SNTB1: variants seen among roughly 807,000 people sequenced by gnomAD.
SNTB1 encodes beta-1-syntrophin.
In SNTB1, 36 loss-of-function variants were observed where a neutral mutation model predicts 48.9. The observed-to-expected ratio is 0.74, with a 90% confidence interval of 0.56 to 0.97. The LOEUF (loss-of-function observed/expected upper bound fraction) is 0.97, where lower values mean the gene tolerates loss of function less well. Ranked by LOEUF, SNTB1 falls within the 50% of genes least tolerant of loss-of-function variation. The pLI is 0.00. For synonymous variants in SNTB1, 299 were observed against 294.6 expected (o/e 1.01, Z -0.15); for missense variants, 786 against 703.4 (o/e 1.12, Z -1.33).
intron 1 of SNTB1, among the ~76,000 whole-genome samples, chr8:120,794,194 A>G (rs1427865279): frequency 2.0e-5 from 3 of 152,028 alleles, no homozygotes; most frequent in African/African-American, 7.2e-5. Flanking sequence ...GAAGTCCTTT[A>G]GACCATACAA....
At chr8:120,718,701 G>A (rs1434461191) in intron 1 of SNTB1, among the ~76,000 whole-genome samples, 3 of 152,104 alleles carry the variant, frequency 2.0e-5, no homozygotes, top group Non-Finnish European at 4.4e-5. Flanking sequence ...TGGGAAGTGA[G>A]GGTGTTGGGG....
intron 1 of SNTB1, among the ~76,000 whole-genome samples, chr8:120,784,609 G>T (rs888100063): frequency 6.6e-6 from 1 of 152,130 alleles, no homozygotes; most frequent in Non-Finnish European, 1.5e-5. Context: ...CCAGAATTTG[G>T]AATTGGAATA....
intron 5 of SNTB1, among the ~76,000 whole-genome samples, chr8:120,544,116 A>G (rs1815337932): frequency 1.3e-5 from 2 of 151,742 alleles, no homozygotes; most frequent in African/African-American, 4.8e-5. Flanking sequence ...CATTTCTACA[A>G]CCCGCAGACC....
chr8:120,696,726 A>G (rs1818216825), intron 1 of SNTB1, among the ~76,000 whole-genome samples: 2 of 152,224 alleles, frequency 1.3e-5, no homozygotes, highest in Admixed American at 6.5e-5. Context: ...CTTGTAGGTT[A>G]GTATTATTGT....
Position 120,706,230 on chromosome 8 carries a change from CA to C in SNTB1, c.572-12323del, listed in dbSNP as rs1227707767. Reference sequence around the variant, plus strand: ...TCTCTTTTCGGACTCTCAGAACTGTCAAAATAAAAAGTGCTTGAAAATATCA... The same window carrying C: ...TCTCTTTTCGGACTCTCAGAACTGTCAAATAAAAAGTGCTTGAAAATATCA... On this transcript the variant is annotated intron_variant, in intron 1 of 6. Transcript: ENST00000517992. 2.6e-5 allele frequency among the ~76,000 whole-genome samples: 4 copies of C among 152,190 alleles called. No individual in the cohort carries two copies. In the East Asian group the frequency reaches 7.7e-4, roughly 29 times the overall value.
chr8:120,770,354 A>T (rs1819600047), intron 1 of SNTB1, among the ~76,000 whole-genome samples: 1 of 151,728 alleles, frequency 6.6e-6, no homozygotes, highest in South Asian at 2.1e-4. Context: ...TACAGACGAC[A>T]TCCACCTCTC....
chr8:120,594,386 C>T (rs111238710), intron 3 of SNTB1, among the ~76,000 whole-genome samples: 32,100 of 152,010 alleles, frequency 0.21, 3,481 homozygotes, highest in Middle Eastern at 0.33. Flanking sequence ...TACAGGCATG[C>T]GCCACCAAGC....
intron 3 of SNTB1, among the ~76,000 whole-genome samples, chr8:120,615,842 T>G (rs13273020): frequency 0.44 from 66,447 of 151,956 alleles, 17,727 homozygotes; most frequent in Non-Finnish European, 0.62. Context: ...TTATCTTTTC[T>G]TCTTTCTTTC....
chr8:120,706,343 G>A (rs565335420), intron 1 of SNTB1, among the ~76,000 whole-genome samples: 3 of 152,036 alleles, frequency 2.0e-5, no homozygotes, highest in East Asian at 1.9e-4. Context: ...ATAATCAACC[G>A]GATATACGAG....
intron 1 of SNTB1, among the ~76,000 whole-genome samples, chr8:120,698,102 A>G (rs1385232830): frequency 6.6e-6 from 1 of 152,224 alleles, no homozygotes; most frequent in Non-Finnish European, 1.5e-5. Flanking sequence ...CCAAGACACC[A>G]ACCCAAAAAT....
chr8:120,726,304 C>T lies in SNTB1; in HGVS notation c.572-32396G>A, dbSNP rs1272864005. 5.9e-5 allele frequency among the ~76,000 whole-genome samples: 9 copies of T among 152,268 alleles called. No homozygotes were observed. The East Asian group carries it at 1.5e-3, about 26-fold the overall frequency. On this transcript the variant is annotated intron_variant, in intron 1 of 6. Transcript: ENST00000517992. ...TATCTTCTCCAGTTTCCTAGACATT[C>T]TCAGAGACATTGCTGACTGGAGAGG...
At position 120,811,371 on chromosome 8, in the gene SNTB1, T is replaced by C. The variant is rs758705188; in HGVS notation, c.473A>G (p.Asp158Gly). The change falls in exon 1 of 7, where the codon GAC (aspartate) becomes GGC (glycine). Residue 158 changes from aspartate to glycine, a missense_variant. Coordinates refer to ENST00000517992, the MANE Select transcript of SNTB1 (RefSeq NM_021021.4). ...ADQTQALYVG[D>G]AILSVNGADL... ...GGCTCCGTTCACGGACAGGATGGCG[T>C]CGCCCACGTACAGGGCTTGGGTCTG... is the stretch of plus-strand genomic sequence containing the variant. 1 of 1,613,768 alleles carries C rather than the reference T, an allele frequency of 6.2e-7. No individual in the cohort carries two copies. The highest frequency in any genetic ancestry group is 8.5e-7 in the Non-Finnish European group (1 of 1,179,920).
chr8:120,548,160 C>G (rs776442411), intron 5 of SNTB1, among the ~76,000 whole-genome samples: 14 of 152,106 alleles, frequency 9.2e-5, no homozygotes, highest in Non-Finnish European at 1.6e-4. Flanking sequence ...CTCCCCTCTC[C>G]TATTGCCATG....
intron 5 of SNTB1, among the ~76,000 whole-genome samples, chr8:120,543,266 A>G (rs1214111868): frequency 6.6e-6 from 1 of 152,180 alleles, no homozygotes; most frequent in East Asian, 1.9e-4. Context: ...TTCACAAAAC[A>G]CCACATTTAA....
chr8:120,764,694 A>G (rs1819486100), intron 1 of SNTB1, among the ~76,000 whole-genome samples: 1 of 152,176 alleles, frequency 6.6e-6, no homozygotes, highest in Non-Finnish European at 1.5e-5. Context: ...GGAAAGCTCC[A>G]TCAGTTACTT....
At chr8:120,728,494 C>T (rs1818797481) in intron 1 of SNTB1, among the ~76,000 whole-genome samples, 1 of 152,126 alleles carries the variant, frequency 6.6e-6, no homozygotes, top group South Asian at 2.1e-4. Flanking sequence ...CACTCCCTCC[C>T]TCCCACGGCT....
At chr8:120,765,081 C>G (rs1408287340) in intron 1 of SNTB1, among the ~76,000 whole-genome samples, 1 of 152,114 alleles carries the variant, frequency 6.6e-6, no homozygotes, top group African/African-American at 2.4e-5. Context: ...AAAATTTAGC[C>G]GGGCATGGCA....
intron 2 of SNTB1, among the ~76,000 whole-genome samples, chr8:120,642,663 A>G (rs895159485): frequency 6.6e-6 from 1 of 152,174 alleles, no homozygotes; most frequent in African/African-American, 2.4e-5. Flanking sequence ...CTGTGATCCC[A>G]GCACTTTGGG....
chr8:120,574,161 A>G (rs1208036501), intron 4 of SNTB1, among the ~76,000 whole-genome samples: 2 of 152,212 alleles, frequency 1.3e-5, no homozygotes, highest in Non-Finnish European at 2.9e-5. Flanking sequence ...GGAATCTAAA[A>G]TGACGAAGCT....
Sources: gnomAD v4.1 joint callset for allele counts (sites outside exome capture counted in the v4.1 genomes callset) on GRCh38, gnomAD v4.1.1 for gene constraint, MANE v1.5 for transcripts, NCBI Gene and HGNC (gene_info 2026-07-23, HGNC 2026-07-21) for gene names.